Variants in ZNF28 observed in about 807,000 individuals in gnomAD.
The protein encoded by ZNF28 is zinc finger protein 28, also known as zinc finger protein KOX24.
In ZNF28, 5 loss-of-function variants were observed where a neutral mutation model predicts 7.2. The observed-to-expected ratio is 0.70, with a 90% CI of 0.36 to 1.46. The LOEUF is 1.46. Among genes scored for constraint, ZNF28 ranks in the 40% most tolerant of loss-of-function variants. The pLI, the probability that ZNF28 is intolerant of heterozygous loss-of-function variation, is 0.03. For synonymous variants in ZNF28, 288 were observed against 292.4 expected (o/e 0.99, Z 0.15); for missense variants, 879 against 866.6 (o/e 1.01, Z -0.18).
chr19:52,810,426 C>T, intron 2 of ZNF28: 1 of 1,602,798 alleles, frequency 6.2e-7, no homozygotes, highest in Non-Finnish European at 8.5e-7. Context: ...TAGTGGCCAT[C>T]CCAAAGGGTT....
At chr19:52,815,950 G>C (rs2063119059) in intron 2 of ZNF28, among the ~76,000 whole-genome samples, 1 of 146,898 alleles carries the variant, frequency 6.8e-6, no homozygotes, top group Non-Finnish European at 1.5e-5. Context: ...CAAACGTAAA[G>C]TAAAAAAAAA....
chr19:52,811,221 C>T (rs77046017), intron 2 of ZNF28, among the ~76,000 whole-genome samples: 73,748 of 149,654 alleles, frequency 0.49, 20,997 homozygotes, highest in Non-Finnish European at 0.66. Flanking sequence ...TGGAGTGCAG[C>T]GGCGTGATCT....
chr19:52,810,244 T>C (rs878943284), intron 2 of ZNF28: 4 of 1,240,378 alleles, frequency 3.2e-6, no homozygotes, highest in Middle Eastern at 2.6e-4. Context: ...AATATGAGTC[T>C]ACCTCCAGGC....
chr19:52,809,303 G>A lies in ZNF28; in HGVS notation c.16-1170C>T, dbSNP rs1481259508. Among the ~76,000 whole-genome samples the A allele has an allele frequency of 3.9e-5, 6 of 152,296 alleles. No individual in the cohort carries two copies. In the East Asian group the frequency reaches 1.2e-3, roughly 29 times the overall value. ...TATGGCACTCTTTATACAGGGAAAA[G>A]TTGCAAAGGACACATGTGTTGTCAT... On this transcript the variant is annotated intron_variant, in intron 2 of 3. Transcript: ENST00000457749.
intron 1 of ZNF28, among the ~76,000 whole-genome samples, chr19:52,819,246 G>A (rs1314398454): frequency 7.2e-6 from 1 of 138,004 alleles, no homozygotes; most frequent in Non-Finnish European, 1.5e-5. Flanking sequence ...TTGGGCTTTT[G>A]TCCTGGGGAA....
In ZNF28 at chr19:52,819,210, C is replaced by G. The variant is rs1459607947; in HGVS notation, c.-73-1179G>C. 2.2e-5 allele frequency among the ~76,000 whole-genome samples: 3 copies of G among 135,524 alleles called. 1 individual carries two copies. In the East Asian group the frequency reaches 6.1e-4, roughly 28 times the overall value. The allele number at this position is 135,524 out of a possible 152,430, so 88.9% of individuals were successfully genotyped here. ...TGGACACTGGCAGGGACCCTGAACACAGGGCTGTGGAGCCAAAGTGAAGAG... is the reference window on the plus strand; with the variant it reads ...TGGACACTGGCAGGGACCCTGAACAGAGGGCTGTGGAGCCAAAGTGAAGAG... On this transcript the variant is annotated intron_variant, in intron 1 of 3. Coordinates refer to ENST00000457749, the MANE Select transcript of ZNF28 (RefSeq NM_006969.5).
chr19:52,808,435 TGA>T (rs2062965684), intron 2 of ZNF28, among the ~76,000 whole-genome samples: 1 of 152,142 alleles, frequency 6.6e-6, no homozygotes, highest in Non-Finnish European at 1.5e-5. Context: ...ATTATCTAGA[TGA>T]GAGAGAGCAT....
chr19:52,809,399 C>A lies in ZNF28; in HGVS notation c.16-1266G>T, dbSNP rs75546631. Among the ~76,000 whole-genome samples, 298 of 152,042 alleles carry A rather than the reference C, an allele frequency of 2.0e-3. 12 individuals are homozygous for A. The East Asian group carries it at 0.052, about 27-fold the overall frequency. On this transcript the variant is annotated intron_variant, in intron 2 of 3. Coordinates refer to ENST00000457749, the MANE Select transcript of ZNF28 (RefSeq NM_006969.5). ...TTACTAACATGACAACATGTAAATT[C>A]ACAACTAGCAGGATGAAATATCGAA...
chr19:52,810,942 C>G (rs1218620599), intron 2 of ZNF28, among the ~76,000 whole-genome samples: 1 of 129,302 alleles, frequency 7.7e-6, no homozygotes, highest in Non-Finnish European at 1.6e-5. Flanking sequence ...GATGCCGAGC[C>G]AAAGCTGGAC....
chr19:52,807,930 A>G, intron 3 of ZNF28, 77 bp downstream of exon 3: 1 of 1,600,782 alleles, frequency 6.2e-7, no homozygotes, highest in Non-Finnish European at 8.5e-7. Flanking sequence ...TTAGTCAAGT[A>G]AGGATGTGGC....
intron 2 of ZNF28, chr19:52,810,684 G>A (rs1431588978): frequency 1.4e-5 from 12 of 850,392 alleles, no homozygotes; most frequent in East Asian, 7.3e-5. Flanking sequence ...GGGCTAGAGC[G>A]ACATCACGGT....
intron 3 of ZNF28, among the ~76,000 whole-genome samples, chr19:52,804,665 C>G (rs531321187): frequency 6.6e-6 from 1 of 152,294 alleles, no homozygotes; most frequent in Non-Finnish European, 1.5e-5. Flanking sequence ...GCCACTGCAC[C>G]TAGCCCATTT....
chr19:52,802,069 T>C (rs1460523764), intron 3 of ZNF28, among the ~76,000 whole-genome samples: 3 of 152,204 alleles, frequency 2.0e-5, no homozygotes, highest in Non-Finnish European at 4.4e-5. Context: ...ACAGCGTATT[T>C]AGTGTATACA....
intron 2 of ZNF28, among the ~76,000 whole-genome samples, chr19:52,812,762 T>A (rs1327478108): frequency 6.6e-3 from 499 of 75,318 alleles, no homozygotes; most frequent in Admixed American, 8.3e-3. Flanking sequence ...GAATGATCAA[T>A]AAAAAAAAAA....
chr19:52,817,577 C>A (rs1271153292), intron 2 of ZNF28, among the ~76,000 whole-genome samples: 1 of 152,082 alleles, frequency 6.6e-6, no homozygotes, highest in Non-Finnish European at 1.5e-5. Context: ...CACATTAATA[C>A]TTGACTCCCA....
At chr19:52,821,203 C>T (rs539360837) in intron 1 of ZNF28, among the ~76,000 whole-genome samples, 155 of 152,058 alleles carry the variant, frequency 1.0e-3, no homozygotes, top group Non-Finnish European at 1.7e-3. Flanking sequence ...GCAGCCTTCC[C>T]GGGACTGGGG....
At chr19:52,815,252 A>G (rs2063107715) in intron 2 of ZNF28, among the ~76,000 whole-genome samples, 1 of 145,632 alleles carries the variant, frequency 6.9e-6, no homozygotes. Flanking sequence ...ACAGTGGCTC[A>G]CACCTGTAAT....
intron 2 of ZNF28, among the ~76,000 whole-genome samples, chr19:52,809,479 G>C (rs1378747775): frequency 6.6e-6 from 1 of 152,202 alleles, no homozygotes; most frequent in Non-Finnish European, 1.5e-5. Flanking sequence ...TCTACTTGAG[G>C]GTGGAGGGTG....
chr19:52,804,394 C>T (rs1236032788), intron 3 of ZNF28, among the ~76,000 whole-genome samples: 1 of 152,160 alleles, frequency 6.6e-6, no homozygotes, highest in South Asian at 2.1e-4. Context: ...CCTCCTCAGC[C>T]CAGTCTTACT....
Sources: allele counts gnomAD v4.1 joint callset (sites outside exome capture counted in the v4.1 genomes callset), GRCh38; gene constraint gnomAD v4.1.1; transcripts MANE v1.5; gene names NCBI Gene and HGNC (gene_info 2026-07-23, HGNC 2026-07-21).